The following IL26 variants were observed in gnomAD, a reference collection of about 807,000 sequenced individuals.
The protein encoded by IL26 is interleukin-26.
IL26 carries 23 observed loss-of-function variants against 21.7 expected under a neutral mutation model. The ratio of observed to expected loss-of-function variants is 1.06; its 90% confidence interval spans 0.76 to 1.50. The LOEUF (loss-of-function observed/expected upper bound fraction) is 1.50. Among genes scored for constraint, IL26 ranks in the 40% most tolerant of loss-of-function variants. The pLI, the probability that IL26 is intolerant of heterozygous loss-of-function variation, is 0.00. For missense variants in IL26, 204 were observed against 196.0 expected (o/e 1.04, Z -0.24); for synonymous variants, 63 against 67.8 (o/e 0.93, Z 0.34).
chr12:68,208,282 G>A (rs1210200811), intron 3 of IL26, among the ~76,000 whole-genome samples: 1 of 152,156 alleles, frequency 6.6e-6, no homozygotes, highest in Non-Finnish European at 1.5e-5. Flanking sequence ...GAAGAGATGA[G>A]TAGGCAGGGA....
intron 3 of IL26, among the ~76,000 whole-genome samples, chr12:68,214,923 T>C (rs1436765425): frequency 1.3e-5 from 2 of 151,936 alleles, no homozygotes; most frequent in Non-Finnish European, 2.9e-5. Context: ...TTTTAACTCC[T>C]CTCTTCCTTT....
chr12:68,216,220 G>T (rs996057505), intron 3 of IL26, among the ~76,000 whole-genome samples: 2 of 151,956 alleles, frequency 1.3e-5, no homozygotes, highest in African/African-American at 4.8e-5. Context: ...GAACCCAGGA[G>T]GTGGAGGTTG....
intron 3 of IL26, among the ~76,000 whole-genome samples, chr12:68,205,531 A>G (rs1868515535): frequency 6.6e-6 from 1 of 152,192 alleles, no homozygotes; most frequent in Non-Finnish European, 1.5e-5. Flanking sequence ...GAAGTGGATC[A>G]TCATAAATGT....
chr12:68,210,213 T>C (rs1014578305), intron 3 of IL26, among the ~76,000 whole-genome samples: 3 of 151,752 alleles, frequency 2.0e-5, no homozygotes, highest in African/African-American at 7.3e-5. Context: ...ATTCACTGAC[T>C]TTTTGCACAG....
At chr12:68,215,107 A>G (rs1868839070) in intron 3 of IL26, among the ~76,000 whole-genome samples, 1 of 152,200 alleles carries the variant, frequency 6.6e-6, no homozygotes, top group African/African-American at 2.4e-5. Context: ...GATCAAAATA[A>G]AAAGGGACTA....
chr12:68,219,618 A>G (rs988660793), intron 3 of IL26, among the ~76,000 whole-genome samples: 1 of 150,566 alleles, frequency 6.6e-6, no homozygotes, highest in Admixed American at 6.6e-5. Context: ...CCAAATAAAG[A>G]AAAAAAAATT....
chr12:68,201,939 T>C lies in IL26; in HGVS notation c.430-8A>G, dbSNP rs10748100. 0.12 allele frequency: 188,280 copies of C among 1,587,570 alleles called. 17,442 individuals carry two copies. The highest frequency in any genetic ancestry group is 0.44 in the East Asian group (19,444 of 44,532). ...GATTCCTTTGTTTCCAATCTGCAGATAAAGTACAGATATAAGAGAATAAAT... is the reference window on the plus strand; with the variant it reads ...GATTCCTTTGTTTCCAATCTGCAGACAAAGTACAGATATAAGAGAATAAAT... On this transcript the variant is annotated splice_polypyrimidine_tract_variant and splice_region_variant and intron_variant, in intron 4 of 4. Transcript: ENST00000229134.
At chr12:68,207,966 A>G (rs1395138624) in intron 3 of IL26, among the ~76,000 whole-genome samples, 1 of 152,208 alleles carries the variant, frequency 6.6e-6, no homozygotes, top group Non-Finnish European at 1.5e-5. Flanking sequence ...TCAAATTGTT[A>G]CAAATCTCCA....
chr12:68,201,878 G>A lies in IL26; in HGVS notation c.483C>T (p.Ser161=). ...KAISELDILL[S]WIKKLLESSQ ...TGCTTTCCAATAATTTTTTAATCCA[G>A]GAAAGAAGAATATCCAGTTCACTGA... Residue 161 remains serine, a synonymous_variant, in exon 5 of 5, where the codon TCC becomes TCT. Coordinates refer to ENST00000229134, the MANE Select transcript of IL26 (RefSeq NM_018402.2). The A allele has an allele frequency of 1.2e-6, 2 of 1,600,032 alleles. No homozygotes were observed. Among genetic ancestry groups the A allele is most frequent in the Non-Finnish European group, 1.7e-6 (2 of 1,176,158 alleles).
In IL26 at chr12:68,225,176, A is replaced by T. The variant is rs747325527; in HGVS notation, c.336T>A (p.His112Gln). The change falls in exon 3 of 5, where the codon CAT becomes CAA. Residue 112 changes from histidine to glutamine, a missense_variant. Transcript: ENST00000229134. ...AGTGGCTCAATTTCTGCCTAAGGCT[A>T]TGAAAGTCCTCCACAAAGCGTATTT... ...CKKIRFVEDF[H>Q]SLRQKLSHCI... 1.9e-6 allele frequency: 3 copies of T among 1,612,972 alleles called. No individual in the cohort carries two copies. Among genetic ancestry groups the T allele is most frequent in the Non-Finnish European group, 2.5e-6 (3 of 1,179,728 alleles).
chr12:68,222,334 A>G lies in IL26; in HGVS notation c.363+2815T>C, dbSNP rs369555937. 7.2e-4 allele frequency among the ~76,000 whole-genome samples: 110 copies of G among 152,340 alleles called. 2 individuals carry two copies. The South Asian group carries it at 0.022, about 31-fold the overall frequency. On this transcript the variant is annotated intron_variant, in intron 3 of 4. Transcript: ENST00000229134. ...TGGGGCAGAGGAAACTTTCAGAAGA[A>G]CACAAACCAATGTTTTATTGTTGGC...
chr12:68,202,049 G>A lies in IL26; in HGVS notation c.398C>T (p.Ser133Phe), dbSNP rs1397568641. Residue 133 changes from serine (S) to phenylalanine (F), a missense_variant, in exon 4 of 5, where the codon TCC becomes TTC. Coordinates refer to ENST00000229134, the MANE Select transcript of IL26 (RefSeq NM_018402.2). The stretch of plus-strand genomic sequence containing the variant: ...AAATATTCTTTTCATCCTGGTAATG[G>A]ATTTCATCTCTCTAGCTGATGAAGC... ...SCASSAREMK[S>F]ITRMKRIFYR... 2 of 1,586,580 alleles carry A rather than the reference G, an allele frequency of 1.3e-6. No individual in the cohort carries two copies. Among genetic ancestry groups the A allele is most frequent in the South Asian group, 1.2e-5 (1 of 86,812 alleles).
chr12:68,207,477 T>A (rs1250275515), intron 3 of IL26, among the ~76,000 whole-genome samples: 1 of 152,184 alleles, frequency 6.6e-6, no homozygotes, highest in Non-Finnish European at 1.5e-5. Flanking sequence ...TTATACAGCA[T>A]TTTAAGTGGA....
chr12:68,208,216 C>A (rs1471501158), intron 3 of IL26, among the ~76,000 whole-genome samples: 1 of 152,134 alleles, frequency 6.6e-6, no homozygotes, highest in Non-Finnish European at 1.5e-5. Context: ...CCTCTGAAGT[C>A]TTCCAGAAGA....
At chr12:68,223,474 G>C (rs1869121593) in intron 3 of IL26, among the ~76,000 whole-genome samples, 1 of 152,082 alleles carries the variant, frequency 6.6e-6, no homozygotes, top group Non-Finnish European at 1.5e-5. Context: ...AATATTGTTC[G>C]TTTTAGGTTA....
At chr12:68,207,502 G>A (rs1208170671) in intron 3 of IL26, among the ~76,000 whole-genome samples, 2 of 152,144 alleles carry the variant, frequency 1.3e-5, no homozygotes, top group Admixed American at 6.5e-5. Flanking sequence ...CACAGCACTT[G>A]AGCATACTAC....
chr12:68,211,771 T>C (rs908879265), intron 3 of IL26, among the ~76,000 whole-genome samples: 15 of 152,234 alleles, frequency 9.9e-5, no homozygotes, highest in African/African-American at 3.4e-4. Flanking sequence ...TCATATATTC[T>C]GATTAGTCCC....
intron 3 of IL26, among the ~76,000 whole-genome samples, chr12:68,204,820 C>A (rs1015843340): frequency 6.6e-6 from 1 of 152,140 alleles, no homozygotes; most frequent in East Asian, 1.9e-4. Flanking sequence ...TTCTCATTTT[C>A]TTTATACTGT....
At chr12:68,221,574 T>C (rs1869045692) in intron 3 of IL26, among the ~76,000 whole-genome samples, 1 of 152,230 alleles carries the variant, frequency 6.6e-6, no homozygotes, top group African/African-American at 2.4e-5. Flanking sequence ...AAATGTTCAA[T>C]AGTGGGCTGG....
Sources: allele counts gnomAD v4.1 joint callset (sites outside exome capture counted in the v4.1 genomes callset), GRCh38; gene constraint gnomAD v4.1.1; transcripts MANE v1.5; gene names NCBI Gene and HGNC (gene_info 2026-07-23, HGNC 2026-07-21).